Variants in FHIT observed in about 807,000 individuals in gnomAD.
FHIT encodes the protein bis(5'-adenosyl)-triphosphatase.
FHIT carries 19 observed loss-of-function variants against 17.9 expected under a neutral mutation model. The ratio of observed to expected loss-of-function variants is 1.06; its 90% CI spans 0.74 to 1.56. The LOEUF is 1.56. Among genes scored for constraint, FHIT ranks in the 40% most tolerant of loss-of-function variants. FHIT has a pLI of 0.00. For missense variants in FHIT, 248 were observed against 189.2 expected (o/e 1.31, Z -1.82); for synonymous variants, 81 against 69.7 (o/e 1.16, Z -0.81).
intron 3 of FHIT, among the ~76,000 whole-genome samples, chr3:61,021,838 C>T (rs933509253): frequency 2.1e-4 from 32 of 152,002 alleles, no homozygotes; most frequent in Non-Finnish European, 4.1e-4. Context: ...TGGGACACAG[C>T]TAAAGCAGTA....
At chr3:61,060,168 A>C (rs920145993) in intron 2 of FHIT, among the ~76,000 whole-genome samples, 1 of 152,204 alleles carries the variant, frequency 6.6e-6, no homozygotes, top group Non-Finnish European at 1.5e-5. Flanking sequence ...ATGTGTATAT[A>C]GTTCGCATAG....
At chr3:59,938,587 A>C (rs1706356766) in intron 7 of FHIT, among the ~76,000 whole-genome samples, 1 of 152,146 alleles carries the variant, frequency 6.6e-6, no homozygotes, top group Admixed American at 6.6e-5. Context: ...AAAAGTGAGT[A>C]ACTATGTGAG....
At chr3:61,000,170 G>A (rs927000570) in intron 3 of FHIT, among the ~76,000 whole-genome samples, 1 of 152,140 alleles carries the variant, frequency 6.6e-6, no homozygotes, top group African/African-American at 2.4e-5. Context: ...CTGGAAGCAG[G>A]CCACCTCATG....
chr3:59,855,841 C>T lies in FHIT; in HGVS notation c.348+66505G>A, dbSNP rs1319386166. 2.0e-5 allele frequency among the ~76,000 whole-genome samples: 3 copies of T among 150,336 alleles called. No individual in the cohort carries two copies. In the East Asian group the frequency reaches 5.9e-4, roughly 29 times the overall value. On this transcript the variant is annotated intron_variant, in intron 8 of 9. Coordinates refer to ENST00000492590, the MANE Select transcript of FHIT (RefSeq NM_002012.4). ...TGTCGCTCAGTCTGGAGTGCAGTGGCACTAACTTGGCTCACTGCAAGCTCT... is the reference window on the plus strand; with the variant it reads ...TGTCGCTCAGTCTGGAGTGCAGTGGTACTAACTTGGCTCACTGCAAGCTCT...
intron 8 of FHIT, among the ~76,000 whole-genome samples, chr3:59,901,662 A>G (rs981259402): frequency 2.6e-5 from 4 of 152,214 alleles, no homozygotes; most frequent in African/African-American, 9.6e-5. Context: ...AGAAACTAGA[A>G]TCTTCTTACA....
chr3:61,098,945 T>C (rs755790818), intron 2 of FHIT, among the ~76,000 whole-genome samples: 1 of 152,210 alleles, frequency 6.6e-6, no homozygotes, highest in East Asian at 1.9e-4. Flanking sequence ...GGCCAGGACT[T>C]CTAACACTAT....
At chr3:61,031,979 C>A (rs185431497) in intron 3 of FHIT, among the ~76,000 whole-genome samples, 11 of 152,230 alleles carry the variant, frequency 7.2e-5, no homozygotes, top group East Asian at 1.9e-4. Flanking sequence ...TGCTCATGGC[C>A]GGTGAGTGAA....
At chr3:60,624,523 T>G (rs1553680091) in intron 4 of FHIT, among the ~76,000 whole-genome samples, 1 of 151,954 alleles carries the variant, frequency 6.6e-6, no homozygotes, top group East Asian at 1.9e-4. Flanking sequence ...AGAATAGGAA[T>G]GAAGAGAGAG....
chr3:60,636,661 G>T (rs530665138), intron 4 of FHIT, among the ~76,000 whole-genome samples: 2 of 152,292 alleles, frequency 1.3e-5, no homozygotes, highest in South Asian at 2.1e-4. Flanking sequence ...AGAAGTGAGA[G>T]GAGGAAAATA....
chr3:59,801,197 TCC>T (rs1470272546), intron 8 of FHIT, among the ~76,000 whole-genome samples: 121 of 152,300 alleles, frequency 7.9e-4, no homozygotes, highest in African/African-American at 2.9e-3. Flanking sequence ...CCTTATTTAA[TCC>T]TTATGGCAAT....
intron 5 of FHIT, among the ~76,000 whole-genome samples, chr3:60,309,246 A>G (rs1259564556): frequency 6.6e-6 from 1 of 151,940 alleles, no homozygotes; most frequent in African/African-American, 2.4e-5. Context: ...GGGAAAATCC[A>G]CCTCACCAAA....
intron 4 of FHIT, among the ~76,000 whole-genome samples, chr3:60,657,024 T>C (rs565591381): frequency 1.3e-5 from 2 of 151,994 alleles, no homozygotes; most frequent in South Asian, 2.1e-4. Context: ...ATGAATACTT[T>C]AGACAAATTC....
chr3:60,386,276 G>A (rs1701008105), intron 5 of FHIT, among the ~76,000 whole-genome samples: 1 of 152,078 alleles, frequency 6.6e-6, no homozygotes, highest in Non-Finnish European at 1.5e-5. Context: ...TTAAGCCAGA[G>A]ATCCTATGAG....
chr3:60,998,592 C>T (rs568154862), intron 3 of FHIT, among the ~76,000 whole-genome samples: 2 of 152,180 alleles, frequency 1.3e-5, no homozygotes, highest in East Asian at 3.9e-4. Context: ...GAGAATTCAT[C>T]TGGCTCATTG....
intron 5 of FHIT, among the ~76,000 whole-genome samples, chr3:60,034,889 T>G (rs1371569645): frequency 6.6e-6 from 1 of 152,256 alleles, no homozygotes; most frequent in Non-Finnish European, 1.5e-5. Context: ...AGCATTGAGT[T>G]TGTTTGATGC....
chr3:60,980,245 A>T (rs1710436913), intron 3 of FHIT, among the ~76,000 whole-genome samples: 1 of 152,116 alleles, frequency 6.6e-6, no homozygotes, highest in Admixed American at 6.5e-5. Flanking sequence ...TAAGAAGGAT[A>T]AAAAAAATAA....
intron 3 of FHIT, among the ~76,000 whole-genome samples, chr3:61,041,513 T>A (rs1301553993): frequency 6.6e-6 from 1 of 152,282 alleles, no homozygotes; most frequent in East Asian, 1.9e-4. Flanking sequence ...CTTCTACCTA[T>A]GTGTGATCAT....
At chr3:60,296,228 G>A (rs1423345806) in intron 5 of FHIT, among the ~76,000 whole-genome samples, 3 of 152,026 alleles carry the variant, frequency 2.0e-5, no homozygotes, top group Non-Finnish European at 4.4e-5. Flanking sequence ...AGGGGGGAAG[G>A]AGGAGGGGAA....
At chr3:60,390,285 T>A (rs1233631190) in intron 5 of FHIT, among the ~76,000 whole-genome samples, 4 of 151,598 alleles carry the variant, frequency 2.6e-5, no homozygotes, top group Non-Finnish European at 5.9e-5. Flanking sequence ...AGATGAAAAA[T>A]TTTTAGTCCA....
Sources: allele counts gnomAD v4.1 joint callset (sites outside exome capture counted in the v4.1 genomes callset), GRCh38; gene constraint gnomAD v4.1.1; transcripts MANE v1.5; gene names NCBI Gene and HGNC (gene_info 2026-07-23, HGNC 2026-07-21).